The following GRID1 variants were observed in gnomAD, a reference collection of about 807,000 sequenced individuals.
GRID1 encodes the protein glutamate receptor ionotropic, delta-1.
A neutral mutation model predicts 98.0 loss-of-function variants in GRID1; 28 were observed. That is an observed-to-expected ratio of 0.29 (90% CI 0.21 to 0.39). The LOEUF is 0.39. Ranked by LOEUF, GRID1 falls within the 10% of genes least tolerant of loss-of-function variation. The probability of loss-of-function intolerance (pLI) is 1.00; values close to 1 mark genes in which losing one functional copy is unlikely to be tolerated. For synonymous variants in GRID1, 553 were observed against 538.5 expected, an observed-to-expected ratio of 1.03 and a Z score of -0.37; for missense variants, 1,111 against 1,340.5, an observed-to-expected ratio of 0.83 and a Z score of 2.67.
intron 4 of GRID1, among the ~76,000 whole-genome samples, chr10:86,024,923 G>A (rs1397704536): frequency 1.3e-5 from 2 of 152,194 alleles, no homozygotes; most frequent in Non-Finnish European, 2.9e-5. Context: ...ATCCTAGGAT[G>A]TCATCTGGGC....
At chr10:86,127,333 G>A (rs895602219) in intron 4 of GRID1, among the ~76,000 whole-genome samples, 3 of 152,170 alleles carry the variant, frequency 2.0e-5, no homozygotes, top group African/African-American at 7.2e-5. Flanking sequence ...GCTGAGAGAT[G>A]CCTTCTCATC....
chr10:85,890,843 CA>C (rs1034570891), intron 5 of GRID1, among the ~76,000 whole-genome samples: 1 of 152,070 alleles, frequency 6.6e-6, no homozygotes, highest in Non-Finnish European at 1.5e-5. Flanking sequence ...CACACATACA[CA>C]AAAAGTGAAC....
At chr10:85,912,587 G>C (rs1418270700) in intron 5 of GRID1, among the ~76,000 whole-genome samples, 1 of 152,242 alleles carries the variant, frequency 6.6e-6, no homozygotes, top group Admixed American at 6.5e-5. Flanking sequence ...AGGAATGAGA[G>C]GGAGCTGGGG....
intron 8 of GRID1, among the ~76,000 whole-genome samples, chr10:85,750,939 G>A (rs1344511299): frequency 6.6e-6 from 1 of 152,202 alleles, no homozygotes; most frequent in Non-Finnish European, 1.5e-5. Context: ...ATCAGAGATT[G>A]TATTAACATT....
intron 4 of GRID1, among the ~76,000 whole-genome samples, chr10:86,034,490 C>T (rs1272054398): frequency 6.6e-6 from 1 of 152,080 alleles, no homozygotes; most frequent in Non-Finnish European, 1.5e-5. Flanking sequence ...ATGAAGGCTC[C>T]AAGCAGTTGC....
At chr10:85,778,484 A>T (rs1842352501) in intron 8 of GRID1, among the ~76,000 whole-genome samples, 1 of 152,202 alleles carries the variant, frequency 6.6e-6, no homozygotes, top group Non-Finnish European at 1.5e-5. Flanking sequence ...TTTTCTGCTC[A>T]TCATTATAGC....
chr10:86,353,206 C>A (rs531798151), intron 2 of GRID1, among the ~76,000 whole-genome samples: 9 of 152,362 alleles, frequency 5.9e-5, no homozygotes, highest in Admixed American at 2.0e-4. Flanking sequence ...AAAGGAAACA[C>A]AAGGCAAGGG....
chr10:86,359,663 A>G (rs1345970206), intron 2 of GRID1, among the ~76,000 whole-genome samples: 1 of 152,204 alleles, frequency 6.6e-6, no homozygotes, highest in Non-Finnish European at 1.5e-5. Flanking sequence ...AGGTATATCT[A>G]CAGCATATCT....
intron 5 of GRID1, among the ~76,000 whole-genome samples, chr10:85,908,489 G>GA (rs1841492540): frequency 6.6e-6 from 1 of 152,114 alleles, no homozygotes; most frequent in Admixed American, 6.5e-5. Context: ...AAAAATATGT[G>GA]AAAAATCTGT....
At chr10:85,680,393 T>A (rs1004777268) in intron 12 of GRID1, among the ~76,000 whole-genome samples, 1 of 152,170 alleles carries the variant, frequency 6.6e-6, no homozygotes, top group Non-Finnish European at 1.5e-5. Context: ...CTTCCCAAAG[T>A]GCCACATGAT....
intron 8 of GRID1, among the ~76,000 whole-genome samples, chr10:85,820,364 A>C (rs531522028): frequency 6.6e-5 from 10 of 152,286 alleles, no homozygotes; most frequent in South Asian, 2.1e-4. Flanking sequence ...AAAAAGGAAA[A>C]GAACATTAGT....
chr10:86,172,170 A>T (rs1195599934), intron 3 of GRID1, among the ~76,000 whole-genome samples: 1 of 151,838 alleles, frequency 6.6e-6, no homozygotes, highest in Non-Finnish European at 1.5e-5. Flanking sequence ...CCCTACCCCC[A>T]TCCCACCCTA....
intron 2 of GRID1, among the ~76,000 whole-genome samples, chr10:86,249,380 T>C (rs1846784574): frequency 6.6e-6 from 1 of 152,216 alleles, no homozygotes; most frequent in Non-Finnish European, 1.5e-5. Flanking sequence ...CAGTCTCCTC[T>C]GGATCCATCC....
At chr10:86,253,834 C>T (rs1846873666) in intron 2 of GRID1, among the ~76,000 whole-genome samples, 1 of 152,148 alleles carries the variant, frequency 6.6e-6, no homozygotes, top group Non-Finnish European at 1.5e-5. Context: ...GCAACAACTC[C>T]CTCACCATCT....
chr10:86,105,515 G>A (rs1844369327), intron 4 of GRID1, among the ~76,000 whole-genome samples: 1 of 152,200 alleles, frequency 6.6e-6, no homozygotes, highest in Non-Finnish European at 1.5e-5. Context: ...TTGAGTCCTA[G>A]CCTTCTGAGG....
chr10:85,836,623 T>C (rs987881781), intron 8 of GRID1, among the ~76,000 whole-genome samples: 9 of 152,178 alleles, frequency 5.9e-5, no homozygotes, highest in Admixed American at 2.6e-4. Context: ...ATGTAGAGTA[T>C]AGAGGCTTTG....
rs1590175383 is a variant in GRID1, at chr10:85,651,500, C to T, written c.1998-4103G>A. Among the ~76,000 whole-genome samples the T allele has an allele frequency of 2.0e-5, 3 of 152,182 alleles. No homozygotes were observed. In the East Asian group the frequency reaches 5.8e-4, roughly 29 times the overall value. On this transcript the variant is annotated intron_variant, in intron 12 of 15. Coordinates refer to ENST00000327946, the MANE Select transcript of GRID1 (RefSeq NM_017551.3). Reference sequence around the variant, plus strand: ...GTACATGCAAATGCTCCCCCATCAGCCCCCAGTCTACTGCCTTGTCAACAA... The same window carrying T: ...GTACATGCAAATGCTCCCCCATCAGTCCCCAGTCTACTGCCTTGTCAACAA...
intron 8 of GRID1, among the ~76,000 whole-genome samples, chr10:85,767,240 G>C (rs1184320039): frequency 6.6e-6 from 1 of 152,156 alleles, no homozygotes; most frequent in African/African-American, 2.4e-5. Flanking sequence ...GCGAAATGTA[G>C]CAATTGTATA....
chr10:86,348,755 C>CAGGTG (rs1848424189), intron 2 of GRID1, among the ~76,000 whole-genome samples: 8 of 152,330 alleles, frequency 5.3e-5, no homozygotes, highest in Admixed American at 4.6e-4. Flanking sequence ...TCCAGGAGCT[C>CAGGTG]CCGGAAGCAT....
Sources: allele counts gnomAD v4.1 joint callset (sites outside exome capture counted in the v4.1 genomes callset), GRCh38; gene constraint gnomAD v4.1.1; transcripts MANE v1.5; gene names NCBI Gene and HGNC (gene_info 2026-07-23, HGNC 2026-07-21).